SLC35F1: variants seen among roughly 807,000 people sequenced by gnomAD.
SLC35F1 encodes solute carrier family 35 member F1.
In SLC35F1, 14 loss-of-function variants were observed where a neutral mutation model predicts 48.7. The ratio of observed to expected loss-of-function variants is 0.29; its 90% CI spans 0.19 to 0.45. The LOEUF is 0.45. SLC35F1 is among the 20% of genes least tolerant of loss of function. SLC35F1 has a pLI of 1.00. For missense variants in SLC35F1, 404 were observed against 500.0 expected (o/e 0.81, Z 1.83); for synonymous variants, 190 against 202.2 (o/e 0.94, Z 0.51).
chr6:118,035,061 T>C (rs1772106644), intron 1 of SLC35F1, among the ~76,000 whole-genome samples: 1 of 152,238 alleles, frequency 6.6e-6, no homozygotes, highest in Admixed American at 6.5e-5. Context: ...ATTTCTTTAA[T>C]AGATACAGGG....
chr6:117,956,213 C>T (rs1439045677), intron 1 of SLC35F1, among the ~76,000 whole-genome samples: 2 of 152,212 alleles, frequency 1.3e-5, no homozygotes, highest in East Asian at 3.8e-4. Context: ...AGTTCACAAA[C>T]AGGTGTTGGC....
chr6:118,308,263 C>A (rs1050195938), intron 7 of SLC35F1, among the ~76,000 whole-genome samples: 19 of 152,232 alleles, frequency 1.2e-4, no homozygotes, highest in African/African-American at 4.3e-4. Context: ...GGTTAGCGTG[C>A]AAGTTGATTT....
intron 2 of SLC35F1, among the ~76,000 whole-genome samples, chr6:118,168,874 T>C (rs1462773769): frequency 6.6e-6 from 1 of 152,180 alleles, no homozygotes; most frequent in African/African-American, 2.4e-5. Context: ...GAAAACACGG[T>C]GGAAGATATC....
rs917989497 is a variant in SLC35F1, at chr6:118,316,063, G to T, written c.*1811G>T. 3 of 152,160 alleles carry T rather than the reference G, an allele frequency of 2.0e-5. No individual in the cohort carries two copies. Among genetic ancestry groups the T allele is most frequent in the Non-Finnish European group, 4.4e-5 (3 of 68,046 alleles). The allele number at this position is 152,160 out of a possible 1,614,324, so 9.4% of individuals were successfully genotyped here. On this transcript the variant is annotated 3_prime_UTR_variant, in exon 8 of 8. Coordinates refer to ENST00000360388, the MANE Select transcript of SLC35F1 (RefSeq NM_001029858.4). ...AGCAAGCAAAGCAAAACACCAGTGG[G>T]GTCTCTGGAAAGTAAAAGGACAGAC...
chr6:118,308,401 G>T (rs563323362), intron 7 of SLC35F1, among the ~76,000 whole-genome samples: 1 of 152,290 alleles, frequency 6.6e-6, no homozygotes, highest in East Asian at 1.9e-4. Context: ...GGAATAATGT[G>T]CCTGTTGAAA....
intron 1 of SLC35F1, among the ~76,000 whole-genome samples, chr6:117,997,250 G>C (rs1013798023): frequency 5.9e-5 from 9 of 152,168 alleles, no homozygotes; most frequent in Non-Finnish European, 1.0e-4. Context: ...AACAAACAAA[G>C]CCTCCAAGAA....
intron 2 of SLC35F1, among the ~76,000 whole-genome samples, chr6:118,191,956 A>G (rs1774738858): frequency 6.6e-6 from 1 of 152,172 alleles, no homozygotes. Context: ...TCACCACACC[A>G]ATATATTTAA....
At chr6:118,122,936 C>T (rs191912336) in intron 1 of SLC35F1, among the ~76,000 whole-genome samples, 36 of 152,110 alleles carry the variant, frequency 2.4e-4, no homozygotes, top group Non-Finnish European at 3.5e-4. Flanking sequence ...GGGCTAAAAG[C>T]AGGAAGTTAA....
intron 1 of SLC35F1, among the ~76,000 whole-genome samples, chr6:118,069,284 T>A (rs1452754752): frequency 6.6e-6 from 1 of 152,194 alleles, no homozygotes; most frequent in East Asian, 1.9e-4. Flanking sequence ...ACACTAAATT[T>A]TTATTTCAGG....
chr6:118,301,636 A>G (rs535546832), intron 7 of SLC35F1, among the ~76,000 whole-genome samples: 2 of 152,332 alleles, frequency 1.3e-5, no homozygotes, highest in East Asian at 1.9e-4. Flanking sequence ...TCATTATCAC[A>G]TACAATGTTT....
intron 1 of SLC35F1, among the ~76,000 whole-genome samples, chr6:117,934,671 A>G (rs1776142619): frequency 6.6e-6 from 1 of 152,234 alleles, no homozygotes. Context: ...TAGACAAACC[A>G]TTATATTTAA....
At chr6:118,303,627 T>C (rs1453572976) in intron 7 of SLC35F1, among the ~76,000 whole-genome samples, 2 of 152,240 alleles carry the variant, frequency 1.3e-5, no homozygotes, top group Non-Finnish European at 2.9e-5. Context: ...GGTTGGTGTT[T>C]TAAAAATGAA....
chr6:118,120,939 C>T (rs1029651134), intron 1 of SLC35F1, among the ~76,000 whole-genome samples: 1 of 152,054 alleles, frequency 6.6e-6, no homozygotes. Flanking sequence ...TTTCTTCCTG[C>T]TTCTGTCCTT....
intron 1 of SLC35F1, among the ~76,000 whole-genome samples, chr6:118,142,362 A>G (rs1432016248): frequency 6.6e-6 from 1 of 152,230 alleles, no homozygotes; most frequent in Non-Finnish European, 1.5e-5. Context: ...ACAGATTAAC[A>G]TATCAAGTCT....
intron 3 of SLC35F1, among the ~76,000 whole-genome samples, chr6:118,238,776 G>A (rs1051207457): frequency 4.6e-5 from 7 of 152,110 alleles, no homozygotes; most frequent in African/African-American, 1.7e-4. Context: ...ATGGCCAAGG[G>A]GAATGCTGTG....
At position 117,985,878 on chromosome 6, in the gene SLC35F1, G is replaced by A. The variant is rs142080308; in HGVS notation, c.173+77979G>A. On this transcript the variant is annotated intron_variant, in intron 1 of 7. Coordinates refer to ENST00000360388, the MANE Select transcript of SLC35F1 (RefSeq NM_001029858.4). ...TTGTTTGCAAATAACAGAAAATATC[G>A]CTAACGTGAATGAAAATGGGGAACT... Among the ~76,000 whole-genome samples the A allele has an allele frequency of 2.6e-3, 395 of 152,186 alleles. 1 individual carries two copies. The highest frequency in any genetic ancestry group is 5.5e-3 in the Admixed American group (84 of 15,288).
chr6:118,140,598 A>T (rs55845306), intron 1 of SLC35F1, among the ~76,000 whole-genome samples: 111,085 of 149,782 alleles, frequency 0.74, 41,296 homozygotes, highest in South Asian at 0.82. Context: ...TATTCCTTAT[A>T]TTTTTTTTTT....
At chr6:118,270,178 C>T (rs1002864610) in intron 4 of SLC35F1, among the ~76,000 whole-genome samples, 13 of 152,242 alleles carry the variant, frequency 8.5e-5, no homozygotes, top group Middle Eastern at 3.4e-3. Flanking sequence ...ACATTGATGT[C>T]GGCCCTTTCA....
intron 2 of SLC35F1, among the ~76,000 whole-genome samples, chr6:118,216,358 AG>A (rs1562328280): frequency 6.6e-6 from 1 of 151,754 alleles, no homozygotes; most frequent in Non-Finnish European, 1.5e-5. Context: ...CACCCGGCCA[AG>A]ATCAATCACT....
Sources: allele counts gnomAD v4.1 joint callset (sites outside exome capture counted in the v4.1 genomes callset), GRCh38; gene constraint gnomAD v4.1.1; transcripts MANE v1.5; gene names NCBI Gene and HGNC (gene_info 2026-07-23, HGNC 2026-07-21).